SLC5A8: variants seen among roughly 807,000 people sequenced by gnomAD.
SLC5A8 encodes the protein solute carrier family 5 member 8.
SLC5A8 carries 55 observed loss-of-function variants against 71.9 expected under a neutral mutation model. The ratio of observed to expected loss-of-function variants is 0.77; its 90% CI spans 0.62 to 0.96. SLC5A8 has a LOEUF of 0.96. SLC5A8 is among the 40% of genes least tolerant of loss of function. The pLI is 0.00. For missense variants in SLC5A8, 701 were observed against 745.3 expected (o/e 0.94, Z 0.69); for synonymous variants, 307 against 276.1 (o/e 1.11, Z -1.11).
intron 10 of SLC5A8, among the ~76,000 whole-genome samples, chr12:101,168,943 A>G (rs568344310): frequency 5.9e-5 from 9 of 152,336 alleles, no homozygotes; most frequent in African/African-American, 2.2e-4. Context: ...AGAATGAATG[A>G]ATCAAAGAGA....
chr12:101,198,125 T>C (rs1322478976), intron 3 of SLC5A8, among the ~76,000 whole-genome samples: 1 of 151,918 alleles, frequency 6.6e-6, no homozygotes, highest in Admixed American at 6.6e-5. Context: ...TTTTGAGAAC[T>C]AAATAAAAAC....
At chr12:101,187,305 G>T in intron 7 of SLC5A8, 81 bp downstream of exon 7, 1 of 1,431,626 alleles carries the variant, frequency 7.0e-7, no homozygotes, top group Non-Finnish European at 9.3e-7. Context: ...TTCTCTACAA[G>T]AATATGAATG....
intron 13 of SLC5A8, among the ~76,000 whole-genome samples, chr12:101,159,486 G>A (rs1781309573): frequency 6.6e-6 from 1 of 152,178 alleles, no homozygotes; most frequent in African/African-American, 2.4e-5. Flanking sequence ...TGTAAGGCCT[G>A]AACTCTTATG....
chr12:101,169,540 A>G (rs1310737911), intron 10 of SLC5A8, among the ~76,000 whole-genome samples: 1 of 152,182 alleles, frequency 6.6e-6, no homozygotes, highest in Non-Finnish European at 1.5e-5. Context: ...GTCCTAAACA[A>G]CAACCAACCA....
intron 10 of SLC5A8, among the ~76,000 whole-genome samples, chr12:101,174,533 T>C (rs1351189092): frequency 1.3e-5 from 2 of 152,294 alleles, no homozygotes; most frequent in South Asian, 2.1e-4. Flanking sequence ...TCATAAAGGG[T>C]ATTTAAGCTA....
chr12:101,193,925 A>C (rs769319388), intron 4 of SLC5A8, 146 bp from the exon 5 acceptor site: 2 of 764,430 alleles, frequency 2.6e-6, no homozygotes, highest in South Asian at 4.2e-5. Context: ...GGTTGGGAGA[A>C]TCTTCATACA....
chr12:101,180,503 A>G (rs989896137), intron 9 of SLC5A8, among the ~76,000 whole-genome samples: 3 of 152,244 alleles, frequency 2.0e-5, no homozygotes, highest in African/African-American at 7.2e-5. Context: ...AGGTGAGAGA[A>G]GGAGTAATAA....
Position 101,195,141 on chromosome 12 carries a change from C to A in SLC5A8, c.491G>T (p.Gly164Val), listed in dbSNP as rs370695093. ...GACCACCCCCGTTGCCACTACCGCGCCCCACAGATCAAATCCTGTGACTGT... is the reference window on the plus strand; with the variant it reads ...GACCACCCCCGTTGCCACTACCGCGACCCACAGATCAAATCCTGTGACTGT... ...LNQVTGFDLW[G>V]AVVATGVVCT... Residue 164 changes from glycine (G) to valine (V), a missense_variant, in exon 4 of 15, where the codon GGC (glycine) becomes GTC (valine). By Grantham distance (109) the Gly-to-Val change is moderately radical. Transcript: ENST00000536262. 195 of 1,613,930 alleles carry A rather than the reference C, an allele frequency of 1.2e-4. No homozygotes were observed. The highest frequency in any genetic ancestry group is 1.6e-4 in the Non-Finnish European group (185 of 1,180,002).
At chr12:101,173,566 G>A (rs1374283426) in intron 10 of SLC5A8, among the ~76,000 whole-genome samples, 1 of 152,218 alleles carries the variant, frequency 6.6e-6, no homozygotes, top group Non-Finnish European at 1.5e-5. Flanking sequence ...TTGCCTATGG[G>A]CTGCTGCCAG....
At chr12:101,190,389 T>TA in intron 6 of SLC5A8, 79 bp downstream of exon 6, 2 of 1,484,032 alleles carry the variant, frequency 1.3e-6, no homozygotes, top group East Asian at 5.0e-5. Context: ...ATAAAGGAGC[T>TA]AAACGTGACT....
chr12:101,159,030 CAA>C (rs1566303802), intron 13 of SLC5A8, among the ~76,000 whole-genome samples: 1 of 151,532 alleles, frequency 6.6e-6, no homozygotes, highest in Admixed American at 6.6e-5. Flanking sequence ...TTGTGTATCT[CAA>C]AGAGTGGTCC....
chr12:101,180,234 T>C, intron 9 of SLC5A8, 138 bp from the exon 10 acceptor site: 1 of 852,024 alleles, frequency 1.2e-6, no homozygotes, highest in Non-Finnish European at 1.9e-6. Flanking sequence ...TCAGAGCCAG[T>C]GAATAAAGGA....
chr12:101,207,173 A>C (rs1449777052), intron 1 of SLC5A8, among the ~76,000 whole-genome samples: 3 of 152,192 alleles, frequency 2.0e-5, no homozygotes, highest in African/African-American at 4.8e-5. Flanking sequence ...GGATGCCTGC[A>C]GTGTGCCCAC....
chr12:101,176,982 G>A (rs533454325), intron 10 of SLC5A8, among the ~76,000 whole-genome samples: 1 of 152,062 alleles, frequency 6.6e-6, no homozygotes, highest in South Asian at 2.1e-4. Flanking sequence ...ATGAAAAAAA[G>A]AAGCTGGTTC....
chr12:101,201,759 AAGCTTTTC>A (rs1869463285), intron 3 of SLC5A8, among the ~76,000 whole-genome samples: 2 of 152,266 alleles, frequency 1.3e-5, no homozygotes, highest in South Asian at 4.2e-4. Flanking sequence ...TGGAGAAGAA[AAGCTTTTC>A]TCCCTGCCAG....
At chr12:101,189,760 A>G (rs992123820) in intron 6 of SLC5A8, among the ~76,000 whole-genome samples, 1 of 152,164 alleles carries the variant, frequency 6.6e-6, no homozygotes, top group East Asian at 1.9e-4. Context: ...AATTATGATC[A>G]TTCTTCATAT....
At chr12:101,199,105 A>C (rs1028987285) in intron 3 of SLC5A8, among the ~76,000 whole-genome samples, 3 of 152,006 alleles carry the variant, frequency 2.0e-5, no homozygotes, top group African/African-American at 7.2e-5. Context: ...ATTTTTATAC[A>C]CTTGCAACGA....
Position 101,157,166 on chromosome 12 carries a change from C to T in SLC5A8, c.*113G>A. ...CTTTGTTTTAACAAAAACTTATCCC[C>T]CAAACACTCATGATACAACACACAC... On this transcript the variant is annotated 3_prime_UTR_variant, in exon 15 of 15. Transcript: ENST00000536262. The T allele has an allele frequency of 6.2e-6, 8 of 1,295,086 alleles. No homozygotes were observed. Among genetic ancestry groups the T allele is most frequent in the Non-Finnish European group, 8.3e-6 (8 of 966,736 alleles). The allele number at this position is 1,295,086 out of a possible 1,614,324, so 80.2% of individuals were successfully genotyped here.
intron 3 of SLC5A8, 137 bp from the exon 4 acceptor site, chr12:101,195,299 G>A (rs904227179): frequency 1.3e-6 from 1 of 792,248 alleles, no homozygotes; most frequent in Non-Finnish European, 2.0e-6. Context: ...GCTAAAACTA[G>A]CTCCAAATCT....
Sources: gnomAD v4.1 joint callset for allele counts (sites outside exome capture counted in the v4.1 genomes callset) on GRCh38, gnomAD v4.1.1 for gene constraint, MANE v1.5 for transcripts, NCBI Gene and HGNC (gene_info 2026-07-23, HGNC 2026-07-21) for gene names.